CAMKMT: variants seen among roughly 807,000 people sequenced by gnomAD.
The protein encoded by CAMKMT is CaM KMT.
CAMKMT carries 53 observed loss-of-function variants against 48.0 expected under a neutral mutation model. That is an observed-to-expected ratio of 1.10 (90% CI 0.89 to 1.39). The LOEUF is 1.39. Ranked by LOEUF, CAMKMT falls within the 40% of genes most tolerant of loss-of-function variation. The pLI is 0.00. For synonymous variants in CAMKMT, 165 were observed against 152.3 expected, an observed-to-expected ratio of 1.08 and a Z score of -0.61; for missense variants, 428 against 402.7, an observed-to-expected ratio of 1.06 and a Z score of -0.54.
chr2:44,534,874 G>C (rs368377702), intron 3 of CAMKMT, among the ~76,000 whole-genome samples: 2 of 151,984 alleles, frequency 1.3e-5, no homozygotes, highest in African/African-American at 4.8e-5. Context: ...AAACAATAAA[G>C]ATCAAATCAG....
intron 8 of CAMKMT, among the ~76,000 whole-genome samples, chr2:44,744,220 C>A (rs1208917675): frequency 6.6e-6 from 1 of 152,092 alleles, no homozygotes; most frequent in Non-Finnish European, 1.5e-5. Context: ...TCAGTGTATT[C>A]AATTATAATA....
At chr2:44,750,831 T>A (rs980429300) in intron 8 of CAMKMT, among the ~76,000 whole-genome samples, 1 of 152,170 alleles carries the variant, frequency 6.6e-6, no homozygotes, top group Non-Finnish European at 1.5e-5. Context: ...CTGGCCAACA[T>A]GGTGAAACCC....
intron 3 of CAMKMT, among the ~76,000 whole-genome samples, chr2:44,465,942 C>T (rs1370840523): frequency 2.0e-5 from 3 of 152,036 alleles, no homozygotes; most frequent in Non-Finnish European, 4.4e-5. Flanking sequence ...CAAAGAAGGA[C>T]ATTATATAAT....
At chr2:44,474,709 C>T (rs1572602179) in intron 3 of CAMKMT, among the ~76,000 whole-genome samples, 1 of 152,140 alleles carries the variant, frequency 6.6e-6, no homozygotes, top group Non-Finnish European at 1.5e-5. Flanking sequence ...TATTCCTGAC[C>T]TTCCTCACTA....
intron 3 of CAMKMT, among the ~76,000 whole-genome samples, chr2:44,625,090 A>G (rs2103947298): frequency 6.6e-6 from 1 of 152,304 alleles, no homozygotes; most frequent in South Asian, 2.1e-4. Flanking sequence ...CTCTAAAGTG[A>G]TTGTACCATT....
chr2:44,652,800 G>T (rs1333057230), intron 3 of CAMKMT, among the ~76,000 whole-genome samples: 1 of 152,172 alleles, frequency 6.6e-6, no homozygotes, highest in East Asian at 1.9e-4. Flanking sequence ...ACAATGAGGA[G>T]CCCTGCAAAG....
intron 3 of CAMKMT, among the ~76,000 whole-genome samples, chr2:44,421,205 ATTCAT>A (rs1479277410): frequency 1.3e-5 from 2 of 152,282 alleles, no homozygotes; most frequent in African/African-American, 4.8e-5. Context: ...ATATTCTGCT[ATTCAT>A]TTACTTTCTT....
intron 3 of CAMKMT, among the ~76,000 whole-genome samples, chr2:44,699,394 A>G (rs1359666991): frequency 1.3e-5 from 2 of 152,210 alleles, no homozygotes; most frequent in African/African-American, 4.8e-5. Context: ...GCATATCTCC[A>G]TCAGTGCCCT....
At chr2:44,518,824 G>T (rs1191807344) in intron 3 of CAMKMT, among the ~76,000 whole-genome samples, 1 of 152,204 alleles carries the variant, frequency 6.6e-6, no homozygotes, top group Non-Finnish European at 1.5e-5. Flanking sequence ...TGACACATGT[G>T]AGTGGGAAGA....
intron 3 of CAMKMT, among the ~76,000 whole-genome samples, chr2:44,406,331 G>T (rs1429149697): frequency 6.6e-6 from 1 of 151,226 alleles, no homozygotes; most frequent in Non-Finnish European, 1.5e-5. Context: ...AACATCTGTT[G>T]TTCAAATTGT....
intron 3 of CAMKMT, among the ~76,000 whole-genome samples, chr2:44,504,042 CTTT>C (rs1670138970): frequency 6.6e-6 from 1 of 150,762 alleles, no homozygotes; most frequent in African/African-American, 2.5e-5. Context: ...AGAGTTGTCT[CTTT>C]TTGTAAGGGC....
intron 7 of CAMKMT, among the ~76,000 whole-genome samples, chr2:44,732,613 G>C (rs1460123802): frequency 6.6e-6 from 1 of 152,162 alleles, no homozygotes; most frequent in South Asian, 2.1e-4. Flanking sequence ...GGGACTATAG[G>C]CACATGTCAC....
At chr2:44,730,197 C>T (rs1679006724) in intron 7 of CAMKMT, among the ~76,000 whole-genome samples, 1 of 152,162 alleles carries the variant, frequency 6.6e-6, no homozygotes, top group Non-Finnish European at 1.5e-5. Flanking sequence ...GTGTTCATTC[C>T]AGCCTCCAAA....
chr2:44,400,185 T>A (rs543383389), intron 3 of CAMKMT, among the ~76,000 whole-genome samples: 14 of 152,176 alleles, frequency 9.2e-5, no homozygotes, highest in Non-Finnish European at 1.5e-4. Flanking sequence ...AATCTAAGTT[T>A]CAATTTTAGA....
chr2:44,705,758 C>A (rs965404405), intron 4 of CAMKMT, among the ~76,000 whole-genome samples: 1 of 152,090 alleles, frequency 6.6e-6, no homozygotes. Context: ...GGGGACTGTT[C>A]AGCTTTCCAA....
intron 3 of CAMKMT, among the ~76,000 whole-genome samples, chr2:44,485,196 C>A (rs942776018): frequency 6.6e-6 from 1 of 152,144 alleles, no homozygotes; most frequent in South Asian, 2.1e-4. Context: ...CAATTTCGTT[C>A]TCTGGTATAG....
chr2:44,616,930 A>G (rs558147496), intron 3 of CAMKMT, among the ~76,000 whole-genome samples: 1 of 152,304 alleles, frequency 6.6e-6, no homozygotes, highest in African/African-American at 2.4e-5. Context: ...TGAAGGGGAG[A>G]AGTGATTAAT....
At chr2:44,491,952 C>A (rs1009425079) in intron 3 of CAMKMT, among the ~76,000 whole-genome samples, 1 of 152,158 alleles carries the variant, frequency 6.6e-6, no homozygotes, top group Non-Finnish European at 1.5e-5. Flanking sequence ...ACTAATATTA[C>A]TGATTTACCT....
At chr2:44,692,271 T>C (rs1676699118) in intron 3 of CAMKMT, among the ~76,000 whole-genome samples, 1 of 151,098 alleles carries the variant, frequency 6.6e-6, no homozygotes, top group Admixed American at 6.6e-5. Flanking sequence ...AAAAAAAAAA[T>C]TACTCTATGT....
Sources: allele counts gnomAD v4.1 joint callset (sites outside exome capture counted in the v4.1 genomes callset), GRCh38; gene constraint gnomAD v4.1.1; transcripts MANE v1.5; gene names NCBI Gene and HGNC (gene_info 2026-07-23, HGNC 2026-07-21).